NRXN1: variants seen among roughly 807,000 people sequenced by gnomAD.
NRXN1 encodes neurexin 1.
NRXN1 carries 39 observed loss-of-function variants against 150.9 expected under a neutral mutation model. The observed-to-expected ratio is 0.26, with a 90% CI of 0.20 to 0.34. The LOEUF (loss-of-function observed/expected upper bound fraction) is 0.34. Among genes scored for constraint, NRXN1 ranks in the 10% least tolerant of loss-of-function variants. The probability of loss-of-function intolerance (pLI) is 1.00; values close to 1 mark genes in which losing one functional copy is unlikely to be tolerated. For missense variants in NRXN1, 1,815 were observed against 1,949.9 expected (o/e 0.93, Z 1.30); for synonymous variants, 924 against 757.0 (o/e 1.22, Z -3.62).
intron 21 of NRXN1, among the ~76,000 whole-genome samples, chr2:49,991,388 T>C (rs1681926671): frequency 6.6e-6 from 1 of 152,118 alleles, no homozygotes; most frequent in South Asian, 2.1e-4. Flanking sequence ...GGTCACAAGA[T>C]ACAAGTTTAA....
chr2:50,607,647 A>G (rs929026750), intron 8 of NRXN1, among the ~76,000 whole-genome samples: 2 of 152,164 alleles, frequency 1.3e-5, no homozygotes, highest in Non-Finnish European at 2.9e-5. Flanking sequence ...ATTACCATAC[A>G]GAAATGATAA....
At chr2:50,916,795 T>C (rs1685271370) in intron 5 of NRXN1, 1 of 151,656 alleles carries the variant, frequency 6.6e-6, no homozygotes, top group South Asian at 2.1e-4. Flanking sequence ...CAGAAAACTT[T>C]GCTTCACAGA....
At chr2:50,199,549 C>T (rs1020702456) in intron 18 of NRXN1, among the ~76,000 whole-genome samples, 2 of 149,938 alleles carry the variant, frequency 1.3e-5, no homozygotes, top group Admixed American at 1.3e-4. Flanking sequence ...CACACACACA[C>T]ACACACACAC....
chr2:49,954,370 C>T (rs1011470646), intron 21 of NRXN1, among the ~76,000 whole-genome samples: 6 of 152,100 alleles, frequency 3.9e-5, no homozygotes, highest in Non-Finnish European at 8.8e-5. Context: ...GACCAGATCT[C>T]CTGGAGAGCT....
chr2:50,901,628 C>A (rs760738851), intron 5 of NRXN1, among the ~76,000 whole-genome samples: 1 of 152,114 alleles, frequency 6.6e-6, no homozygotes, highest in Non-Finnish European at 1.5e-5. Context: ...TATATACAAG[C>A]AAGAACTTCA....
At chr2:50,538,057 T>A (rs900527410) in intron 10 of NRXN1, among the ~76,000 whole-genome samples, 196 bp downstream of exon 10, 1 of 152,200 alleles carries the variant, frequency 6.6e-6, no homozygotes, top group African/African-American at 2.4e-5. Flanking sequence ...AAGAACTGTG[T>A]CCTTTCAGAA....
chr2:50,334,376 G>A (rs2077049668), intron 17 of NRXN1, among the ~76,000 whole-genome samples: 1 of 151,840 alleles, frequency 6.6e-6, no homozygotes, highest in East Asian at 1.9e-4. Flanking sequence ...TCTTTTAAAA[G>A]CACAAGTTAA....
At position 50,877,418 on chromosome 2, in the gene NRXN1, G is replaced by A. The variant is rs561912053; in HGVS notation, c.832+44451C>T. The stretch of plus-strand genomic sequence containing the variant: ...GGGACTAGAAAATTCTACTTTAGCA[G>A]CTGAGACTTTTTCTCTGCCTGCTCA... On this transcript the variant is annotated intron_variant, in intron 5 of 22. Transcript: ENST00000401669. Among the ~76,000 whole-genome samples the A allele has an allele frequency of 2.6e-5, 4 of 151,962 alleles. No homozygotes were observed. The South Asian group carries it at 6.2e-4, about 24-fold the overall frequency.
chr2:50,550,887 T>C (rs908305776), intron 9 of NRXN1, among the ~76,000 whole-genome samples: 2 of 151,782 alleles, frequency 1.3e-5, no homozygotes, highest in Non-Finnish European at 2.9e-5. Context: ...TTCACCATGT[T>C]AGCCAGGATG....
intron 2 of NRXN1, among the ~76,000 whole-genome samples, chr2:51,001,563 C>A (rs1700082532): frequency 1.3e-5 from 2 of 151,932 alleles, no homozygotes; most frequent in Non-Finnish European, 2.9e-5. Context: ...ATCAATTAAG[C>A]ATACATTTTT....
intron 18 of NRXN1, among the ~76,000 whole-genome samples, chr2:50,223,821 T>A (rs1371474163): frequency 6.6e-6 from 1 of 151,904 alleles, no homozygotes; most frequent in African/African-American, 2.4e-5. Flanking sequence ...GTCAAGACAT[T>A]GAGGCTTTAT....
intron 17 of NRXN1, among the ~76,000 whole-genome samples, chr2:50,307,665 A>G (rs2074756455): frequency 6.6e-6 from 1 of 152,166 alleles, no homozygotes; most frequent in Non-Finnish European, 1.5e-5. Flanking sequence ...AGCCTTGTCT[A>G]TGTAAAAACA....
At position 50,965,507 on chromosome 2, in the gene NRXN1, C is replaced by T. The variant is rs145995350; in HGVS notation, c.773-39552G>A. Among the ~76,000 whole-genome samples the T allele has an allele frequency of 3.7e-3, 566 of 151,440 alleles. 3 individuals are homozygous for T. The highest frequency in any genetic ancestry group is 5.2e-3 in the Non-Finnish European group (350 of 67,524). On this transcript the variant is annotated intron_variant, in intron 2 of 22. Transcript: ENST00000401669. The stretch of plus-strand genomic sequence containing the variant: ...CAAACTGATGCTTTTAATTTAATAA[C>T]AAAATAATGTTATTAAAACTTAAAT...
chr2:51,000,872 G>A (rs1350799725), intron 2 of NRXN1, among the ~76,000 whole-genome samples: 7 of 151,850 alleles, frequency 4.6e-5, no homozygotes, highest in Admixed American at 2.6e-4. Context: ...AGAAAATATA[G>A]AGTGAACACT....
chr2:50,922,921 T>C lies in NRXN1; in HGVS notation c.791-234A>G, dbSNP rs1422479767. Among the ~76,000 whole-genome samples the C allele has an allele frequency of 3.3e-5, 5 of 151,874 alleles. No homozygotes were observed. The South Asian group carries it at 6.2e-4, about 19-fold the overall frequency. Reference sequence around the variant, plus strand: ...TATGCTGCACTGTGTATTTCTTCCATGCATCAGTTGGAACAACCAAGAGCA... The same window carrying C: ...TATGCTGCACTGTGTATTTCTTCCACGCATCAGTTGGAACAACCAAGAGCA... On this transcript the variant is annotated intron_variant, in intron 3 of 22. Coordinates refer to ENST00000401669, the MANE Select transcript of NRXN1 (RefSeq NM_001330078.2).
At chr2:50,746,734 T>A (rs557890311) in intron 5 of NRXN1, among the ~76,000 whole-genome samples, 1 of 152,236 alleles carries the variant, frequency 6.6e-6, no homozygotes, top group Admixed American at 6.5e-5. Flanking sequence ...ATCCCCCTTG[T>A]CAGAGGCTCT....
At chr2:50,468,748 G>C (rs1052161235) in intron 16 of NRXN1, among the ~76,000 whole-genome samples, 1 of 151,274 alleles carries the variant, frequency 6.6e-6, no homozygotes, top group African/African-American at 2.4e-5. Flanking sequence ...CTTTAGGAAT[G>C]TCACCTTACT....
chr2:50,657,946 A>T (rs1316110102), intron 5 of NRXN1, among the ~76,000 whole-genome samples: 1 of 151,994 alleles, frequency 6.6e-6, no homozygotes, highest in Non-Finnish European at 1.5e-5. Context: ...AACTGCAGCC[A>T]CATCTCCCAG....
At chr2:50,636,700 G>C (rs953039597) in intron 5 of NRXN1, among the ~76,000 whole-genome samples, 3 of 152,016 alleles carry the variant, frequency 2.0e-5, no homozygotes, top group Admixed American at 6.6e-5. Flanking sequence ...TACAAATTCA[G>C]AAAGACAAAG....
Sources: gnomAD v4.1 joint callset for allele counts (sites outside exome capture counted in the v4.1 genomes callset) on GRCh38, gnomAD v4.1.1 for gene constraint, MANE v1.5 for transcripts, NCBI Gene and HGNC (gene_info 2026-07-23, HGNC 2026-07-21) for gene names.